Variants in CIB2 observed in about 807,000 individuals in gnomAD.
The protein encoded by CIB2 is calcium and integrin binding family member 2.
Under a neutral mutation model 23.1 loss-of-function variants are expected in CIB2, and 19 were observed. The observed-to-expected ratio is 0.82, with a 90% confidence interval of 0.57 to 1.21. The LOEUF (loss-of-function observed/expected upper bound fraction) is 1.21. Ranked by LOEUF, CIB2 falls within the 50% of genes most tolerant of loss-of-function variation. The pLI is 0.00. For missense variants in CIB2, 220 were observed against 241.5 expected (o/e 0.91, Z 0.59); for synonymous variants, 94 against 91.7 (o/e 1.03, Z -0.14).
rs563859206 is a variant in CIB2, at chr15:78,105,830, T to G, written c.451A>C (p.Lys151Gln). The G allele has an allele frequency of 3.1e-6, 5 of 1,614,048 alleles. No homozygotes were observed. The highest frequency in any genetic ancestry group is 1.6e-4 in the Middle Eastern group (1 of 6,082). The change falls in exon 5 of 6, where the codon AAG (lysine) becomes CAG (glutamine). Residue 151 changes from lysine to glutamine, a missense_variant. Physicochemically the swap from Lys to Gln is moderately conservative, Grantham distance 53 (BLOSUM62 1). Coordinates refer to ENST00000258930, the MANE Select transcript of CIB2 (RefSeq NM_006383.4). ...TCCAAGTCAGCCTCCTCAATGACCT[T>G]GTCGCACACAAGCACCACCTCCTCC... is the stretch of plus-strand genomic sequence containing the variant. Reference protein sequence around the residue: ...DEEEVVLVCDKVIEEADLDGD... With the variant: ...DEEEVVLVCDQVIEEADLDGD...
intron 2 of CIB2, 91 bp from the exon 3 acceptor site, chr15:78,111,367 C>T: frequency 1.0e-6 from 1 of 990,566 alleles, no homozygotes; most frequent in Non-Finnish European, 1.5e-6. Flanking sequence ...TCTGCCTCTG[C>T]AGAACATCCT....
At chr15:78,130,568 G>A (rs1273875937) in intron 1 of CIB2, among the ~76,000 whole-genome samples, 1 of 152,140 alleles carries the variant, frequency 6.6e-6, no homozygotes, top group Non-Finnish European at 1.5e-5. Flanking sequence ...GGCTACTGAG[G>A]GCCTAAGGGA....
chr15:78,105,872 T>C lies in CIB2; in HGVS notation c.409A>G (p.Lys137Glu), dbSNP rs771708419. 1 of 1,614,194 alleles carries C rather than the reference T, an allele frequency of 6.2e-7. No individual in the cohort carries two copies. ...ACCTCCTCCTCATCCAGCTCTGACT[T>C]AGTGAGCCGGGCCAGCGTCAGCTCC... Reference protein sequence around the residue: ...DLELTLARLTKSELDEEEVVL... With the variant: ...DLELTLARLTESELDEEEVVL... Residue 137 changes from lysine to glutamate, a missense_variant, in exon 5 of 6, where the codon AAG becomes GAG. Coordinates refer to ENST00000258930, the MANE Select transcript of CIB2 (RefSeq NM_006383.4).
At chr15:78,106,124 A>C (rs1348286126) in intron 4 of CIB2, among the ~76,000 whole-genome samples, 190 bp from the exon 5 acceptor site, 1 of 152,188 alleles carries the variant, frequency 6.6e-6, no homozygotes, top group Non-Finnish European at 1.5e-5. Flanking sequence ...GCATCGCTTA[A>C]ACACCCACAT....
intron 4 of CIB2, among the ~76,000 whole-genome samples, chr15:78,108,879 C>T (rs1020442839): frequency 1.3e-5 from 2 of 152,218 alleles, no homozygotes; most frequent in African/African-American, 4.8e-5. Flanking sequence ...TCAAGCTCTG[C>T]GCTTCCCTGT....
chr15:78,130,718 A>G (rs530414350), intron 1 of CIB2, among the ~76,000 whole-genome samples: 40 of 152,040 alleles, frequency 2.6e-4, no homozygotes, highest in Non-Finnish European at 5.4e-4. Flanking sequence ...GGACTGATGC[A>G]CCCCACTCCT....
chr15:78,112,290 C>T (rs1400403720), intron 2 of CIB2, among the ~76,000 whole-genome samples: 1 of 152,148 alleles, frequency 6.6e-6, no homozygotes, highest in East Asian at 1.9e-4. Flanking sequence ...TTGTGAGCTG[C>T]ATGTGGTGGC....
intron 2 of CIB2, among the ~76,000 whole-genome samples, chr15:78,117,446 C>A (rs1400096185): frequency 6.6e-6 from 1 of 151,908 alleles, no homozygotes; most frequent in Non-Finnish European, 1.5e-5. Flanking sequence ...AGTGGTAGAT[C>A]CCAATGTAAA....
chr15:78,121,348 G>A (rs1349912301), intron 2 of CIB2, among the ~76,000 whole-genome samples: 7 of 152,150 alleles, frequency 4.6e-5, no homozygotes, highest in African/African-American at 9.7e-5. Flanking sequence ...GTCCTGATGC[G>A]TGCAGAGGGG....
chr15:78,107,413 A>G (rs1380460579), intron 4 of CIB2, among the ~76,000 whole-genome samples: 1 of 152,172 alleles, frequency 6.6e-6, no homozygotes, highest in Non-Finnish European at 1.5e-5. Context: ...TGCCCATGGC[A>G]TGGGACATAG....
rs567484726 is a variant in CIB2 at position 78,128,356 on chromosome 15, T to C, written c.51+2809A>G. Among the ~76,000 whole-genome samples the C allele has an allele frequency of 2.0e-5, 3 of 151,966 alleles. No individual in the cohort carries two copies. The East Asian group carries it at 5.8e-4, about 29-fold the overall frequency. On this transcript the variant is annotated intron_variant, in intron 1 of 5. Transcript: ENST00000258930. ...GAAGCCCTTCAGTGTGCCTAAAACT[T>C]TGGGTGCAAAGGGAAAGGGAGTAAG...
At chr15:78,106,595 C>T (rs997672323) in intron 4 of CIB2, among the ~76,000 whole-genome samples, 3 of 152,112 alleles carry the variant, frequency 2.0e-5, no homozygotes, top group East Asian at 1.9e-4. Flanking sequence ...TTCAGAGGAC[C>T]GAGCCATGCC....
intron 4 of CIB2, 42 bp downstream of exon 4, chr15:78,109,193 C>CG: frequency 9.4e-7 from 1 of 1,063,398 alleles, no homozygotes; most frequent in Non-Finnish European, 1.3e-6. Flanking sequence ...CCCACATGTT[C>CG]CCCCACCGCA....
At chr15:78,108,201 CAAAAAAA>C (rs5813898) in intron 4 of CIB2, among the ~76,000 whole-genome samples, 2 of 105,496 alleles carry the variant, frequency 1.9e-5, no homozygotes, top group Admixed American at 9.7e-5. Flanking sequence ...GACTCTGTCT[CAAAAAAA>C]AAAAAAAAAA....
chr15:78,121,951 A>G (rs984809663), intron 2 of CIB2, among the ~76,000 whole-genome samples: 2 of 152,186 alleles, frequency 1.3e-5, no homozygotes, highest in East Asian at 3.8e-4. Context: ...GAGTGGGAGC[A>G]GGAGAAGCTG....
chr15:78,109,484 A>G lies in CIB2; in HGVS notation c.199-102T>C, dbSNP rs1327148631. The G allele has an allele frequency of 3.0e-6, 4 of 1,312,162 alleles. No homozygotes were observed. In the East Asian group the frequency reaches 9.2e-5, roughly 30 times the overall value. The allele number at this position is 1,312,162 out of a possible 1,614,324, so 81.3% of individuals were successfully genotyped here. A position where few individuals can be genotyped will look rare whatever the true frequency, so the allele number is the denominator to read the frequency against. ...TGTGTGACCCTGGAGGAGTGACCAA[A>G]TCCCTCTGAGCCTCGGTTTCCCCAT... On this transcript the variant is annotated intron_variant, in intron 3 of 5. Transcript: ENST00000258930.
At chr15:78,118,049 A>G (rs563318222) in intron 2 of CIB2, among the ~76,000 whole-genome samples, 212 of 152,378 alleles carry the variant, frequency 1.4e-3, no homozygotes, top group Non-Finnish European at 2.8e-3. Flanking sequence ...AAATTAAGAA[A>G]TATCCATTAA....
intron 2 of CIB2, among the ~76,000 whole-genome samples, chr15:78,123,093 A>G (rs2074340377): frequency 6.6e-6 from 1 of 151,878 alleles, no homozygotes; most frequent in Non-Finnish European, 1.5e-5. Flanking sequence ...TATCTTTCCC[A>G]TCCAGGTCCA....
At chr15:78,113,782 G>A (rs992475125) in intron 2 of CIB2, among the ~76,000 whole-genome samples, 1 of 152,050 alleles carries the variant, frequency 6.6e-6, no homozygotes, top group Non-Finnish European at 1.5e-5. Context: ...CGCCCACCTC[G>A]GCCTCCCAAA....
Sources: gnomAD v4.1 joint callset for allele counts (sites outside exome capture counted in the v4.1 genomes callset) on GRCh38, gnomAD v4.1.1 for gene constraint, MANE v1.5 for transcripts, NCBI Gene and HGNC (gene_info 2026-07-23, HGNC 2026-07-21) for gene names.